Variants in ZBTB10 observed in about 807,000 individuals in gnomAD.
ZBTB10 encodes zinc finger and BTB domain containing 10.
Under a neutral mutation model 76.4 loss-of-function variants are expected in ZBTB10, and 32 were observed. The ratio of observed to expected loss-of-function variants is 0.42; its 90% CI spans 0.32 to 0.56. The LOEUF (loss-of-function observed/expected upper bound fraction) is 0.56, where lower values mean the gene tolerates loss of function less well. Among genes scored for constraint, ZBTB10 ranks in the 20% least tolerant of loss-of-function variants. The pLI, the probability that ZBTB10 is intolerant of heterozygous loss-of-function variation, is 0.14. For synonymous variants in ZBTB10, 523 were observed against 432.9 expected, an observed-to-expected ratio of 1.21 and a Z score of -2.58; for missense variants, 1,057 against 1,098.5, an observed-to-expected ratio of 0.96 and a Z score of 0.53.
At chr8:80,498,260 G>A (rs1360768311) in intron 1 of ZBTB10, among the ~76,000 whole-genome samples, 1 of 152,148 alleles carries the variant, frequency 6.6e-6, no homozygotes, top group Admixed American at 6.5e-5. Flanking sequence ...AGTACTTTGA[G>A]CCTGTTTACA....
intron 2 of ZBTB10, among the ~76,000 whole-genome samples, chr8:80,507,546 A>G (rs1261969707): frequency 1.3e-5 from 2 of 151,892 alleles, no homozygotes; most frequent in African/African-American, 2.4e-5. Context: ...ACCCGGGAGC[A>G]GAGGTTGCAG....
At chr8:80,508,396 C>T (rs1014366788) in intron 2 of ZBTB10, among the ~76,000 whole-genome samples, 2 of 152,126 alleles carry the variant, frequency 1.3e-5, no homozygotes, top group African/African-American at 4.8e-5. Context: ...AATAGCTTTC[C>T]ACATATAATA....
In ZBTB10 at chr8:80,487,593, G is replaced by A; in HGVS notation, c.783G>A (p.Leu261=). 1.2e-6 allele frequency: 2 copies of A among 1,613,618 alleles called. No individual in the cohort carries two copies. Among genetic ancestry groups the A allele is most frequent in the Non-Finnish European group, 8.5e-7 (1 of 1,179,718 alleles). ...CCTGGCTCAAGGACTTTCCCTGGCT[G>A]CGCTATTCCAAGGATACTGGTCTTA... is the stretch of plus-strand genomic sequence containing the variant. ...QTSWLKDFPW[L]RYSKDTGLMS... Residue 261 remains leucine (L), a synonymous_variant, in exon 1 of 6, where the codon CTG becomes CTA. Coordinates refer to ENST00000455036, the MANE Select transcript of ZBTB10 (RefSeq NM_001105539.3).
rs1419838406 is a variant in ZBTB10, at chr8:80,505,210, A to G, written c.1861+4828A>G. Among the ~76,000 whole-genome samples, 7 of 152,294 alleles carry G rather than the reference A, an allele frequency of 4.6e-5. No homozygotes were observed. In the East Asian group the frequency reaches 1.4e-3, roughly 29 times the overall value. ...CCTAATTAAGCTTTTAATTGGCTCTAAGATACAAAACAGCCTTACTCAAAA... is the reference window on the plus strand; with the variant it reads ...CCTAATTAAGCTTTTAATTGGCTCTGAGATACAAAACAGCCTTACTCAAAA... On this transcript the variant is annotated intron_variant, in intron 2 of 5. Transcript: ENST00000455036.
intron 3 of ZBTB10, among the ~76,000 whole-genome samples, chr8:80,516,685 C>T (rs1816333473): frequency 6.6e-6 from 1 of 152,186 alleles, no homozygotes; most frequent in Non-Finnish European, 1.5e-5. Context: ...TGACGGTATT[C>T]CAAGTACAGC....
In ZBTB10 at chr8:80,525,845, C is replaced by T. The variant is rs1767456239; in HGVS notation, c.*6317C>T. ...GGCACTAGCAACTTTAAGGATTTTG[C>T]CTATTAGTATCATATGGCATGTAGC... On this transcript the variant is annotated 3_prime_UTR_variant, in exon 6 of 6. Coordinates refer to ENST00000455036, the MANE Select transcript of ZBTB10 (RefSeq NM_001105539.3). The T allele has an allele frequency of 3.9e-5, 6 of 152,086 alleles. No homozygotes were observed. Among genetic ancestry groups the T allele is most frequent in the Admixed American group, 3.9e-4 (6 of 15,248 alleles). The allele number at this position is 152,086 out of a possible 1,614,324, so 9.4% of individuals were successfully genotyped here.
chr8:80,514,247 AT>A (rs1038270055), intron 3 of ZBTB10, among the ~76,000 whole-genome samples: 2 of 152,232 alleles, frequency 1.3e-5, no homozygotes, highest in African/African-American at 4.8e-5. Context: ...ATAAAAAGTA[AT>A]TGAGTTAATA....
intron 2 of ZBTB10, among the ~76,000 whole-genome samples, chr8:80,511,857 T>C (rs1413944902): frequency 6.6e-6 from 1 of 152,150 alleles, no homozygotes; most frequent in African/African-American, 2.4e-5. Flanking sequence ...CTCTAATACA[T>C]ATATATCCCA....
chr8:80,519,622 C>T lies in ZBTB10; in HGVS notation c.*94C>T. On this transcript the variant is annotated 3_prime_UTR_variant, in exon 6 of 6. Coordinates refer to ENST00000455036, the MANE Select transcript of ZBTB10 (RefSeq NM_001105539.3). ...ACTTGAAGGCTTGCAAAATATGGTA[C>T]ATGCTGGATAGTAGTTATGTTGCTG... is the stretch of plus-strand genomic sequence containing the variant. 7.6e-7 allele frequency: 1 copy of T among 1,319,700 alleles called. No homozygotes were observed. The highest frequency in any genetic ancestry group is 1.0e-6 in the Non-Finnish European group (1 of 975,604). The allele number at this position is 1,319,700 out of a possible 1,614,324, so 81.7% of individuals were successfully genotyped here. A position where few individuals can be genotyped will look rare whatever the true frequency, so the allele number is the denominator to read the frequency against.
chr8:80,495,414 GT>G (rs1420304692), intron 1 of ZBTB10, among the ~76,000 whole-genome samples: 383 of 137,730 alleles, frequency 2.8e-3, no homozygotes, highest in Middle Eastern at 7.3e-3. Flanking sequence ...TTGTTTTGTT[GT>G]TTTTTTTTTT....
intron 1 of ZBTB10, among the ~76,000 whole-genome samples, chr8:80,498,077 C>G (rs1389350201): frequency 6.6e-6 from 1 of 152,158 alleles, no homozygotes; most frequent in Admixed American, 6.5e-5. Flanking sequence ...CGTCTGTGGC[C>G]TCCTGTGACA....
rs1468484868 is a variant in ZBTB10, at chr8:80,519,710, A to G, written c.*182A>G. 20 of 559,870 alleles carry G rather than the reference A, an allele frequency of 3.6e-5. No homozygotes were observed. The highest frequency in any genetic ancestry group is 1.4e-4 in the South Asian group (5 of 35,450). 34.7% of individuals were successfully genotyped at this position (559,870 alleles called of 1,614,324 possible). The stretch of plus-strand genomic sequence containing the variant: ...TTTTTTTTTATATTTGCACAGGACT[A>G]TACAGCAAACAACCATGTGGTTGGA... On this transcript the variant is annotated 3_prime_UTR_variant, in exon 6 of 6. Coordinates refer to ENST00000455036, the MANE Select transcript of ZBTB10 (RefSeq NM_001105539.3).
rs145433976 is a variant in ZBTB10 at position 80,513,849 on chromosome 8, G to A, written c.1862-61G>A. The A allele has an allele frequency of 1.6e-4, 201 of 1,279,132 alleles. No individual in the cohort carries two copies. The African/African-American group carries it at 2.5e-3, about 16-fold the overall frequency. 79.2% of individuals were successfully genotyped at this position (1,279,132 alleles called of 1,614,324 possible). A position where few individuals can be genotyped will look rare whatever the true frequency, so the allele number is the denominator to read the frequency against. ...TAAGAAACAGTTCCAAGAAAGAGTG[G>A]TGTTTTGGGTGGTGGCTATGGTGTG... On this transcript the variant is annotated intron_variant, in intron 2 of 5. Transcript: ENST00000455036.
At position 80,500,202 on chromosome 8, in the gene ZBTB10, A is replaced by G. The variant is rs774810557; in HGVS notation, c.1681A>G (p.Asn561Asp). The change falls in exon 2 of 6, where the codon AAT becomes GAT. Residue 561 changes from asparagine (N) to aspartate (D), a missense_variant. Physicochemically the swap from Asn to Asp is conservative, Grantham distance 23 (BLOSUM62 1). Coordinates refer to ENST00000455036, the MANE Select transcript of ZBTB10 (RefSeq NM_001105539.3). ...AGGTCAAACAAAAGTGTTTATTTGG[A>G]ATAATATGGGCTCCCAGGGAATTCA... ...SEGQTKVFIW[N>D]NMGSQGIQET... 10 of 1,603,644 alleles carry G rather than the reference A, an allele frequency of 6.2e-6. No individual in the cohort carries two copies. Among genetic ancestry groups the G allele is most frequent in the Non-Finnish European group, 8.5e-6 (10 of 1,174,338 alleles).
At chr8:80,488,677 G>T (rs1179194471) in intron 1 of ZBTB10, among the ~76,000 whole-genome samples, 1 of 152,210 alleles carries the variant, frequency 6.6e-6, no homozygotes, top group African/African-American at 2.4e-5. Flanking sequence ...AACATTTCCA[G>T]TCTAAAGATA....
At position 80,519,485 on chromosome 8, in the gene ZBTB10, G is replaced by C. The variant is rs763567287; in HGVS notation, c.2573G>C (p.Arg858Pro). 1 of 1,611,992 alleles carries C rather than the reference G, an allele frequency of 6.2e-7. No homozygotes were observed. The highest frequency in any genetic ancestry group is 8.5e-7 in the Non-Finnish European group (1 of 1,179,112). ...DDGEDQNDPS[R>P]WDESGEVCMS... is the part of the protein sequence containing the mutation. ...GGAGAAGATCAGAATGATCCCTCTC[G>C]ATGGGATGAATCAGGAGAAGTTTGT... Residue 858 changes from arginine to proline, a missense_variant, in exon 6 of 6, where the codon CGA (arginine) becomes CCA (proline). By Grantham distance (103) the Arg-to-Pro change is moderately radical (BLOSUM62 -2). Around this residue, in one of 5 missense-constraint regions of ZBTB10, gnomAD observed 55 missense variants for 65.5 expected, o/e 0.84. Coordinates refer to ENST00000455036, the MANE Select transcript of ZBTB10 (RefSeq NM_001105539.3).
At chr8:80,517,923 G>A (rs1453469300) in intron 3 of ZBTB10, among the ~76,000 whole-genome samples, 1 of 122,040 alleles carries the variant, frequency 8.2e-6, no homozygotes, top group Non-Finnish European at 1.6e-5. Flanking sequence ...GTGTCGCCCT[G>A]GCTGGAGTGC....
intron 2 of ZBTB10, among the ~76,000 whole-genome samples, chr8:80,504,141 T>C (rs1306909650): frequency 5.3e-5 from 8 of 152,218 alleles, no homozygotes; most frequent in Non-Finnish European, 1.5e-5. Flanking sequence ...TTTAAAAAAT[T>C]AGTTCCTTTT....
chr8:80,524,976 T>C lies in ZBTB10; in HGVS notation c.*5448T>C, dbSNP rs1816528555. The C allele has an allele frequency of 6.6e-6, 1 of 152,086 alleles. No homozygotes were observed. Among genetic ancestry groups the C allele is most frequent in the Non-Finnish European group, 1.5e-5 (1 of 67,968 alleles). 9.4% of individuals were successfully genotyped at this position (152,086 alleles called of 1,614,324 possible). On this transcript the variant is annotated 3_prime_UTR_variant, in exon 6 of 6. Transcript: ENST00000455036. ...GTGTTGGGACCCTTGTAGTTGCTTT[T>C]TATTTTGCTTAGTCAACAAACACTA...
Sources: allele counts gnomAD v4.1 joint callset (sites outside exome capture counted in the v4.1 genomes callset), GRCh38; gene constraint gnomAD v4.1.1; regional missense constraint gnomAD v4.1.1; transcripts MANE v1.5; gene names NCBI Gene and HGNC (gene_info 2026-07-23, HGNC 2026-07-21).